The following DISC1 variants were observed in gnomAD, a reference collection of about 807,000 sequenced individuals.
DISC1 encodes the protein disrupted in schizophrenia 1 protein.
Under a neutral mutation model 84.5 loss-of-function variants are expected in DISC1, and 57 were observed. The ratio of observed to expected loss-of-function variants is 0.67; its 90% CI spans 0.55 to 0.84. The LOEUF (loss-of-function observed/expected upper bound fraction) is 0.84, where lower values mean the gene tolerates loss of function less well. DISC1 is among the 40% of genes least tolerant of loss of function. DISC1 has a pLI of 0.00. For synonymous variants in DISC1, 411 were observed against 415.2 expected (o/e 0.99, Z 0.12); for missense variants, 1,000 against 1,057.8 (o/e 0.95, Z 0.76).
chr1:231,731,672 A>G (rs1157230691), intron 3 of DISC1, among the ~76,000 whole-genome samples: 1 of 152,198 alleles, frequency 6.6e-6, no homozygotes, highest in Non-Finnish European at 1.5e-5. Flanking sequence ...ATTTTGCAAA[A>G]GTTTCCAAAT....
intron 4 of DISC1, 108 bp downstream of exon 4, chr1:231,750,184 C>CT: frequency 6.7e-7 from 1 of 1,482,346 alleles, no homozygotes; most frequent in Non-Finnish European, 8.9e-7. Context: ...CCTTGGCTGC[C>CT]TTTCCTGGGA....
At chr1:231,714,667 GAC>G (rs2068433678) in intron 3 of DISC1, among the ~76,000 whole-genome samples, 1 of 151,274 alleles carries the variant, frequency 6.6e-6, no homozygotes, top group African/African-American at 2.4e-5. Flanking sequence ...GACAAGGAGA[GAC>G]AGGCAGAGAA....
In DISC1 at chr1:231,627,084, G is replaced by T. The variant is rs576853390; in HGVS notation, c.67+150G>T. 1.8e-5 allele frequency: 10 copies of T among 558,452 alleles called. 1 individual carries two copies. The African/African-American group carries it at 2.0e-4, about 11-fold the overall frequency. The allele number at this position is 558,452 out of a possible 1,614,324, so 34.6% of individuals were successfully genotyped here. On this transcript the variant is annotated intron_variant, in intron 1 of 12. Coordinates refer to ENST00000439617, the MANE Select transcript of DISC1 (RefSeq NM_018662.3). Reference sequence around the variant, plus strand: ...GGGAAACTGAGGCAGGACGCGAGGCGTGCGAGGTTGAGAGAAGAGCGAGTC... The same window carrying T: ...GGGAAACTGAGGCAGGACGCGAGGCTTGCGAGGTTGAGAGAAGAGCGAGTC...
intron 1 of DISC1, among the ~76,000 whole-genome samples, chr1:231,678,114 A>G (rs954654113): frequency 1.4e-4 from 22 of 152,216 alleles, no homozygotes; most frequent in African/African-American, 4.6e-4. Context: ...TAAACATCCT[A>G]TGCTCCAAAG....
rs2063102412 is a variant in DISC1 at position 231,675,874 on chromosome 1, G to A, written c.68-17952G>A. On this transcript the variant is annotated intron_variant, in intron 1 of 12. Transcript: ENST00000439617. The surrounding 1 kb of genome is among the most constrained non-coding windows in gnomAD (Gnocchi z 4.1). ...TTCTTTTTTTTTTTTTTTTGACACAGAATTCCCACTGTCGCCCAGGCTGGA... is the reference window on the plus strand; with the variant it reads ...TTCTTTTTTTTTTTTTTTTGACACAAAATTCCCACTGTCGCCCAGGCTGGA... Among the ~76,000 whole-genome samples, 1 of 138,108 alleles carries A rather than the reference G, an allele frequency of 7.2e-6. No homozygotes were observed. Among genetic ancestry groups the A allele is most frequent in the African/African-American group, 2.7e-5 (1 of 37,684 alleles). 90.6% of individuals were successfully genotyped at this position (138,108 alleles called of 152,430 possible).
chr1:231,838,776 C>CT (rs2082810675), intron 9 of DISC1, among the ~76,000 whole-genome samples: 2 of 152,304 alleles, frequency 1.3e-5, no homozygotes, highest in African/African-American at 4.8e-5. Context: ...GGACTGTGAG[C>CT]TTATATTTAA....
chr1:231,762,939 G>A (rs2075882565), intron 4 of DISC1, among the ~76,000 whole-genome samples: 1 of 152,200 alleles, frequency 6.6e-6, no homozygotes, highest in Admixed American at 6.5e-5. Flanking sequence ...AAGGTTCAGA[G>A]AGATTAGGTA....
intron 8 of DISC1, among the ~76,000 whole-genome samples, chr1:231,802,677 A>G (rs1330725232): frequency 6.6e-6 from 1 of 151,846 alleles, no homozygotes; most frequent in Non-Finnish European, 1.5e-5. Context: ...TCTTTAATTC[A>G]TCTCTCTTCT....
chr1:231,896,434 C>T (rs912998301), intron 9 of DISC1, among the ~76,000 whole-genome samples: 5 of 152,122 alleles, frequency 3.3e-5, no homozygotes, highest in Admixed American at 2.6e-4. Flanking sequence ...AATTATATGC[C>T]GATTCTGACA....
At chr1:231,679,325 A>G (rs574597424) in intron 1 of DISC1, among the ~76,000 whole-genome samples, 2 of 152,356 alleles carry the variant, frequency 1.3e-5, no homozygotes, top group African/African-American at 4.8e-5. Flanking sequence ...TCTGAATCCC[A>G]GCCCTCAGGG....
At position 232,031,578 on chromosome 1, in the gene DISC1, G is replaced by A. The variant is rs1572699964; in HGVS notation, c.2425+5026G>A. Among the ~76,000 whole-genome samples, 1 of 152,204 alleles carries A rather than the reference G, an allele frequency of 6.6e-6. No homozygotes were observed. On this transcript the variant is annotated intron_variant, in intron 12 of 12. Coordinates refer to ENST00000439617, the MANE Select transcript of DISC1 (RefSeq NM_018662.3). This position sits in a 1 kb window ranked among gnomAD's most constrained non-coding sequence, Gnocchi z 4.6. ...AAGATGACAGTATCTAAAGCTTTGT[G>A]TGTGATGGGCTGGTGCAGATATAGT...
At chr1:231,689,451 C>G (rs2064722949) in intron 1 of DISC1, among the ~76,000 whole-genome samples, 1 of 152,020 alleles carries the variant, frequency 6.6e-6, no homozygotes, top group South Asian at 2.1e-4. Flanking sequence ...CCTGCCTCAG[C>G]CTCCCGAGTA....
intron 3 of DISC1, among the ~76,000 whole-genome samples, chr1:231,726,433 C>T (rs1166209452): frequency 6.6e-6 from 1 of 152,122 alleles, no homozygotes; most frequent in Non-Finnish European, 1.5e-5. Flanking sequence ...CCAAGGTCAC[C>T]TGGCCTCCAC....
chr1:231,626,888 GGGCGCCCCAGCCGCCGCCGGCGGC>G lies in DISC1; in HGVS notation c.26_49del (p.Ala9_Gly16del). The G allele has an allele frequency of 6.7e-7, 1 of 1,497,910 alleles. No individual in the cohort carries two copies. The highest frequency in any genetic ancestry group is 8.8e-7 in the Non-Finnish European group (1 of 1,132,434). 92.8% of individuals were successfully genotyped at this position (1,497,910 alleles called of 1,614,324 possible). A position where few individuals can be genotyped will look rare whatever the true frequency, so the allele number is the denominator to read the frequency against. On this transcript the variant is annotated inframe_deletion, in exon 1 of 13. Transcript: ENST00000439617. Reference sequence around the variant, plus strand: ...GGCGCATGCCAGGCGGGGGTCCTCAGGGCGCCCCAGCCGCCGCCGGCGGCGGCGGCGTGAGCCACCGCGCAGGTA... The same window carrying G: ...GGCGCATGCCAGGCGGGGGTCCTCAGGGCGGCGTGAGCCACCGCGCAGGTA...
chr1:231,996,332 G>T (rs903847350), intron 10 of DISC1, among the ~76,000 whole-genome samples: 1 of 152,106 alleles, frequency 6.6e-6, no homozygotes, highest in Admixed American at 6.5e-5. Flanking sequence ...CTGTGCAGAA[G>T]CTCTTTAGTT....
At chr1:231,718,546 C>T (rs1408503241) in intron 3 of DISC1, among the ~76,000 whole-genome samples, 2 of 151,870 alleles carry the variant, frequency 1.3e-5, no homozygotes, top group African/African-American at 4.8e-5. Flanking sequence ...AAGCGATTAT[C>T]CTGCCTCAGC....
chr1:231,807,097 C>A lies in DISC1; in HGVS notation c.1792+6887C>A, dbSNP rs995768465. Among the ~76,000 whole-genome samples the A allele has an allele frequency of 2.0e-5, 3 of 152,234 alleles. No individual in the cohort carries two copies. The South Asian group carries it at 6.2e-4, about 32-fold the overall frequency. On this transcript the variant is annotated intron_variant, in intron 8 of 12. Coordinates refer to ENST00000439617, the MANE Select transcript of DISC1 (RefSeq NM_018662.3). ...GGGCCCTCAACCCTCCTCCAGTTCC[C>A]GTGTCTAAGACTTAGCAACAAGCAT...
At chr1:231,646,774 T>G (rs1471708538) in intron 1 of DISC1, among the ~76,000 whole-genome samples, 2 of 152,242 alleles carry the variant, frequency 1.3e-5, no homozygotes, top group Non-Finnish European at 1.5e-5. Flanking sequence ...ATATGGTATC[T>G]CATTGTGGTT....
rs76875882 is a variant in DISC1, at chr1:231,781,597, C to T, written c.1634+10527C>T. ...ACCTATTTTAAGTCTTTCTCCTAGT[C>T]GATTTCAACTTTTAGTTTCCATTAT... is the stretch of plus-strand genomic sequence containing the variant. On this transcript the variant is annotated intron_variant, in intron 6 of 12. Transcript: ENST00000439617. 2.8e-4 allele frequency among the ~76,000 whole-genome samples: 42 copies of T among 152,314 alleles called. No individual in the cohort carries two copies. The East Asian group carries it at 7.7e-3, about 28-fold the overall frequency.
Sources: allele counts gnomAD v4.1 joint callset (sites outside exome capture counted in the v4.1 genomes callset), GRCh38; gene constraint gnomAD v4.1.1; non-coding constraint Gnocchi (gnomAD v3.1); transcripts MANE v1.5; gene names NCBI Gene and HGNC (gene_info 2026-07-23, HGNC 2026-07-21).